Variants in TBCK observed in about 807,000 individuals in gnomAD.
TBCK encodes TBC1 domain containing kinase.
A neutral mutation model predicts 113.4 loss-of-function variants in TBCK; 99 were observed. That is an observed-to-expected ratio of 0.87 (90% confidence interval 0.74 to 1.03). The LOEUF is 1.03. Among genes scored for constraint, TBCK ranks in the 50% least tolerant of loss-of-function variants. The pLI is 0.00. For synonymous variants in TBCK, 369 were observed against 370.8 expected (o/e 1.00, Z 0.05); for missense variants, 1,045 against 1,061.3 (o/e 0.98, Z 0.21).
chr4:106,285,889 AT>A (rs1765063488), intron 3 of TBCK, among the ~76,000 whole-genome samples: 1 of 152,224 alleles, frequency 6.6e-6, no homozygotes, highest in African/African-American at 2.4e-5. Context: ...AGGTTATAAA[AT>A]TGATTAAAAT....
rs1439942228 is a variant in TBCK at position 106,113,387 on chromosome 4, AG to A, written c.2411+2815del. ...TATTTACCCTTAATTTTGAAAATTTAGATGATAAATTTCAATTAGCTGTAGA... is the reference window on the plus strand; with the variant it reads ...TATTTACCCTTAATTTTGAAAATTTAATGATAAATTTCAATTAGCTGTAGA... On this transcript the variant is annotated intron_variant, in intron 24 of 25. Coordinates refer to ENST00000394708, the MANE Select transcript of TBCK (RefSeq NM_001163435.3). Among the ~76,000 whole-genome samples the A allele has an allele frequency of 1.1e-3, 174 of 152,376 alleles. 1 individual carries two copies. The highest frequency in any genetic ancestry group is 6.2e-4 in the South Asian group (3 of 4,828).
intron 24 of TBCK, among the ~76,000 whole-genome samples, chr4:106,112,423 G>A (rs971785932): frequency 6.6e-6 from 1 of 152,148 alleles, no homozygotes; most frequent in African/African-American, 2.4e-5. Context: ...TGCTTTAACA[G>A]TGTTTACTGA....
At chr4:106,078,516 A>ACCAGAGAATATTATGAACACCTCT (rs1443409326) in intron 25 of TBCK, among the ~76,000 whole-genome samples, 1 of 152,186 alleles carries the variant, frequency 6.6e-6, no homozygotes, top group Non-Finnish European at 1.5e-5. Flanking sequence ...CTCTATGCAC[A>ACCAGAGAATATTATGAACACCTCT]CAATTAGGAA....
chr4:106,267,558 T>C (rs751480936), intron 3 of TBCK, among the ~76,000 whole-genome samples: 2 of 151,840 alleles, frequency 1.3e-5, no homozygotes, highest in Non-Finnish European at 2.9e-5. Context: ...ACATAAAAAT[T>C]TACTTATAAC....
At chr4:106,227,714 A>G (rs1272829840) in intron 19 of TBCK, among the ~76,000 whole-genome samples, 1 of 152,080 alleles carries the variant, frequency 6.6e-6, no homozygotes, top group African/African-American at 2.4e-5. Flanking sequence ...GATCAAAAGG[A>G]TATCTGATAA....
intron 19 of TBCK, among the ~76,000 whole-genome samples, chr4:106,219,846 T>C (rs2149938814): frequency 6.6e-6 from 1 of 152,258 alleles, no homozygotes; most frequent in Non-Finnish European, 1.5e-5. Flanking sequence ...GAAATTGAAA[T>C]GACAATAACA....
intron 19 of TBCK, among the ~76,000 whole-genome samples, chr4:106,214,812 T>C (rs930638848): frequency 1.3e-4 from 20 of 151,262 alleles, no homozygotes; most frequent in African/African-American, 4.1e-4. Flanking sequence ...TCCAGGAGAA[T>C]TTCCCCAATC....
chr4:106,127,371 A>C (rs1029394184), intron 23 of TBCK, among the ~76,000 whole-genome samples: 8 of 152,128 alleles, frequency 5.3e-5, no homozygotes, highest in African/African-American at 1.9e-4. Flanking sequence ...GGGTAAACAA[A>C]GTTCAAAAAT....
At chr4:106,185,955 T>G (rs1191847199) in intron 22 of TBCK, among the ~76,000 whole-genome samples, 1 of 152,130 alleles carries the variant, frequency 6.6e-6, no homozygotes, top group East Asian at 1.9e-4. Flanking sequence ...AATGTTTAGT[T>G]TCTACTTATA....
chr4:106,156,534 T>C (rs1189734258), intron 23 of TBCK, among the ~76,000 whole-genome samples: 1 of 152,162 alleles, frequency 6.6e-6, no homozygotes, highest in Non-Finnish European at 1.5e-5. Flanking sequence ...ACCTTAGAAG[T>C]GTGCCTAGTG....
At chr4:106,104,767 C>G (rs1187953857) in intron 24 of TBCK, among the ~76,000 whole-genome samples, 1 of 152,374 alleles carries the variant, frequency 6.6e-6, no homozygotes, top group East Asian at 1.9e-4. Flanking sequence ...TCCATACCTC[C>G]CTGGGACAAA....
chr4:106,102,060 C>T (rs1261923767), intron 24 of TBCK, among the ~76,000 whole-genome samples: 1 of 152,148 alleles, frequency 6.6e-6, no homozygotes, highest in Non-Finnish European at 1.5e-5. Flanking sequence ...ATGTTTCTAT[C>T]TTCTAAAAGC....
chr4:106,248,397 T>G (rs1761070441), intron 8 of TBCK, 91 bp from the exon 9 acceptor site: 2 of 976,140 alleles, frequency 2.0e-6, no homozygotes, highest in Non-Finnish European at 2.9e-6. Context: ...AAGTTTTTGA[T>G]GTTTTTAAAG....
At chr4:106,118,631 G>A (rs1410170696) in intron 23 of TBCK, among the ~76,000 whole-genome samples, 1 of 152,128 alleles carries the variant, frequency 6.6e-6, no homozygotes. Context: ...ATAAAATAAA[G>A]AACTTTTTGA....
intron 23 of TBCK, among the ~76,000 whole-genome samples, chr4:106,130,244 TA>T (rs1319203918): frequency 6.6e-6 from 1 of 152,204 alleles, no homozygotes; most frequent in Non-Finnish European, 1.5e-5. Flanking sequence ...TAATATGTAT[TA>T]AAATATGCAC....
At chr4:106,214,799 T>C (rs1393240356) in intron 19 of TBCK, among the ~76,000 whole-genome samples, 1 of 151,840 alleles carries the variant, frequency 6.6e-6, no homozygotes, top group Non-Finnish European at 1.5e-5. Flanking sequence ...CTGCAGGATA[T>C]TATCCAGGAG....
At chr4:106,182,748 T>C (rs569640692) in intron 22 of TBCK, 4 of 152,094 alleles carry the variant, frequency 2.6e-5, no homozygotes, top group Admixed American at 6.6e-5. Flanking sequence ...CCTTATCTTA[T>C]TAGTGGAGAA....
chr4:106,143,971 A>T (rs993667998), intron 23 of TBCK, among the ~76,000 whole-genome samples: 1 of 152,194 alleles, frequency 6.6e-6, no homozygotes, highest in African/African-American at 2.4e-5. Context: ...CCAACCTAAC[A>T]TATGAAGAAT....
At chr4:106,288,204 GGCAACACGGT>G (rs1765310399) in intron 3 of TBCK, among the ~76,000 whole-genome samples, 1 of 151,820 alleles carries the variant, frequency 6.6e-6, no homozygotes, top group East Asian at 1.9e-4. Flanking sequence ...GACCAGCCTG[GGCAACACGGT>G]GCAACCCTGT....
Sources: gnomAD v4.1 joint callset for allele counts (sites outside exome capture counted in the v4.1 genomes callset) on GRCh38, gnomAD v4.1.1 for gene constraint, MANE v1.5 for transcripts, NCBI Gene and HGNC (gene_info 2026-07-23, HGNC 2026-07-21) for gene names.